Variants in STXBP5L observed in about 807,000 individuals in gnomAD.
STXBP5L encodes syntaxin-binding protein 5-like.
In STXBP5L, 65 loss-of-function variants were observed where a neutral mutation model predicts 144.5. The observed-to-expected ratio is 0.45, with a 90% confidence interval of 0.37 to 0.55. STXBP5L has a LOEUF of 0.55. Ranked by LOEUF, STXBP5L falls within the 20% of genes least tolerant of loss-of-function variation. The probability of loss-of-function intolerance (pLI) is 0.00; values close to 1 mark genes in which losing one functional copy is unlikely to be tolerated. For missense variants in STXBP5L, 1,298 were observed against 1,405.5 expected, an observed-to-expected ratio of 0.92 and a Z score of 1.22; for synonymous variants, 505 against 469.6, an observed-to-expected ratio of 1.08 and a Z score of -0.97.
intron 3 of STXBP5L, among the ~76,000 whole-genome samples, chr3:120,960,773 G>A (rs189386701): frequency 2.0e-5 from 3 of 152,018 alleles, no homozygotes; most frequent in Non-Finnish European, 4.4e-5. Flanking sequence ...GGTGGGGGCA[G>A]GGGGGAGGGA....
In STXBP5L at chr3:121,420,694, T is replaced by G. The variant is rs1259083172; in HGVS notation, c.*1597T>G. On this transcript the variant is annotated 3_prime_UTR_variant, in exon 27 of 27. Transcript: ENST00000471454. ...ATTATGGTTTTGGCTTATTGAATTT[T>G]TGTTTATCAAGGTCTCATTGGATTT... The G allele has an allele frequency of 1.3e-5, 2 of 152,166 alleles. No individual in the cohort carries two copies. Among genetic ancestry groups the G allele is most frequent in the East Asian group, 1.9e-4 (1 of 5,194 alleles). 9.4% of individuals were successfully genotyped at this position (152,166 alleles called of 1,614,324 possible).
intron 7 of STXBP5L, among the ~76,000 whole-genome samples, chr3:121,148,551 C>T (rs1431918508): frequency 1.3e-5 from 2 of 151,984 alleles, no homozygotes; most frequent in Non-Finnish European, 2.9e-5. Flanking sequence ...TATTTTTCCT[C>T]CTGAAATGAT....
chr3:121,309,344 C>A (rs2043449050), intron 19 of STXBP5L, among the ~76,000 whole-genome samples: 1 of 151,938 alleles, frequency 6.6e-6, no homozygotes, highest in Non-Finnish European at 1.5e-5. Flanking sequence ...ACTGGAGTTA[C>A]TGTACTAATA....
chr3:121,230,242 A>T (rs906582775), intron 11 of STXBP5L, among the ~76,000 whole-genome samples: 1 of 152,214 alleles, frequency 6.6e-6, no homozygotes, highest in African/African-American at 2.4e-5. Flanking sequence ...AAAAGTAATG[A>T]CCTTAAAGTC....
intron 9 of STXBP5L, among the ~76,000 whole-genome samples, chr3:121,175,450 A>G (rs1177415648): frequency 6.6e-6 from 1 of 152,182 alleles, no homozygotes; most frequent in African/African-American, 2.4e-5. Flanking sequence ...ACATAAATTT[A>G]TGAGGCATAT....
intron 5 of STXBP5L, among the ~76,000 whole-genome samples, chr3:121,081,804 G>A (rs535970106): frequency 1.7e-4 from 26 of 152,276 alleles, no homozygotes; most frequent in Non-Finnish European, 2.8e-4. Flanking sequence ...TCTCAATTAG[G>A]TGTGGAGAGG....
rs959529870 is a variant in STXBP5L, at chr3:121,097,427, A to T, written c.471-17498A>T. Among the ~76,000 whole-genome samples the T allele has an allele frequency of 1.1e-4, 16 of 152,246 alleles. No individual in the cohort carries two copies. The East Asian group carries it at 3.1e-3, about 29-fold the overall frequency. On this transcript the variant is annotated intron_variant, in intron 5 of 26. Transcript: ENST00000471454. ...CCACCCAGTTTTGTGCTCGAAACCC[A>T]GGGCCCTGGTGGGGTAGGCACCATA...
At chr3:121,339,605 G>A (rs753259674) in intron 20 of STXBP5L, among the ~76,000 whole-genome samples, 33 of 151,974 alleles carry the variant, frequency 2.2e-4, no homozygotes, top group Non-Finnish European at 1.5e-4. Flanking sequence ...AATCAGAAAA[G>A]AGGAAGTCAA....
intron 2 of STXBP5L, among the ~76,000 whole-genome samples, chr3:120,926,126 G>A (rs1709610973): frequency 6.6e-6 from 1 of 152,186 alleles, no homozygotes; most frequent in Admixed American, 6.5e-5. Context: ...AGTATTCTGG[G>A]TTTGTCTGTG....
chr3:121,007,332 C>G (rs943947223), intron 3 of STXBP5L, among the ~76,000 whole-genome samples: 1 of 151,792 alleles, frequency 6.6e-6, no homozygotes, highest in African/African-American at 2.4e-5. Flanking sequence ...GAATATTTGT[C>G]TGTAGCTTTC....
At chr3:121,003,008 A>G (rs934308504) in intron 3 of STXBP5L, among the ~76,000 whole-genome samples, 2 of 152,188 alleles carry the variant, frequency 1.3e-5, no homozygotes, top group East Asian at 1.9e-4. Flanking sequence ...TAGTGCCTCA[A>G]TAAACATACG....
At position 121,000,762 on chromosome 3, in the gene STXBP5L, G is replaced by T. The variant is rs1187245975; in HGVS notation, c.288-40938G>T. On this transcript the variant is annotated intron_variant, in intron 3 of 26. Coordinates refer to ENST00000471454, the MANE Select transcript of STXBP5L (RefSeq NM_001308330.2). ...GGCTGATGTTCCTTTAATCTTTGAA[G>T]TTGCTGTCCTTTGGATGGGGCTTTT... is the stretch of plus-strand genomic sequence containing the variant. Among the ~76,000 whole-genome samples, 3 of 152,312 alleles carry T rather than the reference G, an allele frequency of 2.0e-5. No individual in the cohort carries two copies. The East Asian group carries it at 5.8e-4, about 29-fold the overall frequency.
At chr3:121,013,966 C>T in intron 3 of STXBP5L, among the ~76,000 whole-genome samples, 1 of 151,974 alleles carries the variant, frequency 6.6e-6, no homozygotes, top group Non-Finnish European at 1.5e-5. Context: ...AGCATTATTT[C>T]TGGGCTCTCT....
chr3:120,985,304 G>A (rs903279977), intron 3 of STXBP5L, among the ~76,000 whole-genome samples: 2 of 151,998 alleles, frequency 1.3e-5, no homozygotes, highest in Non-Finnish European at 2.9e-5. Context: ...TTTGTCAGGA[G>A]ATGTCTTTTG....
intron 2 of STXBP5L, among the ~76,000 whole-genome samples, chr3:120,927,126 AG>A (rs1709681185): frequency 6.6e-6 from 1 of 151,972 alleles, no homozygotes; most frequent in African/African-American, 2.4e-5. Context: ...TAGTAGAGAA[AG>A]GGTTTCACTG....
chr3:121,149,671 G>A (rs2045860723), intron 7 of STXBP5L, among the ~76,000 whole-genome samples: 1 of 151,820 alleles, frequency 6.6e-6, no homozygotes, highest in Non-Finnish European at 1.5e-5. Flanking sequence ...ATTAGAAAAG[G>A]TAATGAAGAG....
intron 9 of STXBP5L, 167 bp downstream of exon 9, chr3:121,157,794 C>G: frequency 1.2e-6 from 1 of 855,280 alleles, no homozygotes; most frequent in Middle Eastern, 2.8e-4. Context: ...GTACCCCAAA[C>G]TTTCCATACT....
chr3:121,344,662 G>A (rs1184278328), intron 20 of STXBP5L, among the ~76,000 whole-genome samples: 1 of 151,852 alleles, frequency 6.6e-6, no homozygotes, highest in East Asian at 1.9e-4. Context: ...AAATATAGGA[G>A]GCAAAGAGGA....
chr3:121,068,670 TC>T (rs1184307753), intron 5 of STXBP5L, among the ~76,000 whole-genome samples: 1 of 152,092 alleles, frequency 6.6e-6, no homozygotes, highest in Non-Finnish European at 1.5e-5. Context: ...TATTTTCACA[TC>T]CGTTTTAAAC....
Sources: gnomAD v4.1 joint callset for allele counts (sites outside exome capture counted in the v4.1 genomes callset) on GRCh38, gnomAD v4.1.1 for gene constraint, MANE v1.5 for transcripts, NCBI Gene and HGNC (gene_info 2026-07-23, HGNC 2026-07-21) for gene names.